GABRG3: variants seen among roughly 807,000 people sequenced by gnomAD.
GABRG3 encodes the protein gamma-aminobutyric acid receptor subunit gamma-3.
Under a neutral mutation model 48.8 loss-of-function variants are expected in GABRG3, and 25 were observed. The ratio of observed to expected loss-of-function variants is 0.51; its 90% CI spans 0.37 to 0.72. The LOEUF (loss-of-function observed/expected upper bound fraction) is 0.72. Among genes scored for constraint, GABRG3 ranks in the 30% least tolerant of loss-of-function variants. The pLI, the probability that GABRG3 is intolerant of heterozygous loss-of-function variation, is 0.00. For synonymous variants in GABRG3, 227 were observed against 217.6 expected, an observed-to-expected ratio of 1.04 and a Z score of -0.38; for missense variants, 394 against 577.9, an observed-to-expected ratio of 0.68 and a Z score of 3.26.
chr15:27,323,636 C>T (rs984784378), intron 3 of GABRG3, among the ~76,000 whole-genome samples: 4 of 152,216 alleles, frequency 2.6e-5, no homozygotes, highest in East Asian at 3.9e-4. Context: ...CAGCTGTCAG[C>T]TCACAGTCTG....
chr15:27,055,693 T>A (rs1896533768), intron 3 of GABRG3, among the ~76,000 whole-genome samples: 1 of 152,212 alleles, frequency 6.6e-6, no homozygotes, highest in Non-Finnish European at 1.5e-5. Flanking sequence ...TATTTCATTA[T>A]CTGTATGGAA....
At chr15:27,497,116 C>A (rs967306164) in intron 6 of GABRG3, among the ~76,000 whole-genome samples, 3 of 152,212 alleles carry the variant, frequency 2.0e-5, no homozygotes, top group African/African-American at 7.2e-5. Context: ...CAGTATCCCC[C>A]TCATGGCTAG....
intron 7 of GABRG3, among the ~76,000 whole-genome samples, chr15:27,521,988 A>G (rs778080160): frequency 1.6e-4 from 24 of 152,166 alleles, no homozygotes; most frequent in African/African-American, 4.6e-4. Context: ...AGAAATTCCA[A>G]TGTTTGGTGA....
intron 3 of GABRG3, among the ~76,000 whole-genome samples, chr15:27,103,485 A>G (rs1897395676): frequency 6.6e-6 from 1 of 152,172 alleles, no homozygotes; most frequent in African/African-American, 2.4e-5. Context: ...ACCAGACCGT[A>G]CAGGGTTGCC....
Position 27,388,343 on chromosome 15 carries a change from G to A in GABRG3, c.574+59455G>A, listed in dbSNP as rs71397223. On this transcript the variant is annotated intron_variant, in intron 5 of 9. Transcript: ENST00000615808. ...GAAAAGAAGGAAGGAAGGAAAGGTG[G>A]GAGGGAGGGTAAGGAAGGAAGGAAG... Among the ~76,000 whole-genome samples, 216 of 42,084 alleles carry A rather than the reference G, an allele frequency of 5.1e-3. 38 individuals carry two copies. The highest frequency in any genetic ancestry group is 7.1e-3 in the African/African-American group (77 of 10,918). The allele number at this position is 42,084 out of a possible 152,430, so 27.6% of individuals were successfully genotyped here. A position where few individuals can be genotyped will look rare whatever the true frequency, so the allele number is the denominator to read the frequency against.
At chr15:27,214,122 A>G (rs1304134958) in intron 3 of GABRG3, among the ~76,000 whole-genome samples, 1 of 152,164 alleles carries the variant, frequency 6.6e-6, no homozygotes, top group Non-Finnish European at 1.5e-5. Context: ...CTCGGAGCCA[A>G]CTTACCTCTG....
chr15:27,323,961 A>G (rs1009845058), intron 3 of GABRG3, among the ~76,000 whole-genome samples: 46 of 151,426 alleles, frequency 3.0e-4, no homozygotes, highest in African/African-American at 1.1e-3. Flanking sequence ...GGCACATACC[A>G]CTCTGCTTGT....
At chr15:27,134,596 G>A (rs1318270512) in intron 3 of GABRG3, among the ~76,000 whole-genome samples, 2 of 152,024 alleles carry the variant, frequency 1.3e-5, no homozygotes, top group African/African-American at 2.4e-5. Flanking sequence ...ACCCATGCCC[G>A]GCTTCTCCTT....
At chr15:27,193,130 G>A (rs961223194) in intron 3 of GABRG3, among the ~76,000 whole-genome samples, 9 of 152,168 alleles carry the variant, frequency 5.9e-5, no homozygotes, top group African/African-American at 2.2e-4. Flanking sequence ...GCCCCTACTG[G>A]GGGGTGCCTC....
intron 3 of GABRG3, among the ~76,000 whole-genome samples, chr15:27,182,160 C>T (rs1479684836): frequency 6.6e-6 from 1 of 152,116 alleles, no homozygotes; most frequent in Non-Finnish European, 1.5e-5. Flanking sequence ...CACATCAGCT[C>T]TGGGGATAGT....
chr15:27,099,375 G>A (rs1004183430), intron 3 of GABRG3, among the ~76,000 whole-genome samples: 7 of 152,094 alleles, frequency 4.6e-5, no homozygotes, highest in South Asian at 2.1e-4. Flanking sequence ...GGTGTCTTCC[G>A]AGGCCTCTCT....
At chr15:27,325,915 C>G (rs1595678829) in intron 3 of GABRG3, among the ~76,000 whole-genome samples, 1 of 152,272 alleles carries the variant, frequency 6.6e-6, no homozygotes, top group East Asian at 1.9e-4. Flanking sequence ...ATATCTAATA[C>G]ATAACAAAAA....
At chr15:27,385,411 G>T (rs1895892000) in intron 5 of GABRG3, among the ~76,000 whole-genome samples, 1 of 151,474 alleles carries the variant, frequency 6.6e-6, no homozygotes, top group South Asian at 2.1e-4. Flanking sequence ...ATGGAGGTTT[G>T]AATCAAATTT....
intron 5 of GABRG3, among the ~76,000 whole-genome samples, chr15:27,475,381 G>C (rs1276470573): frequency 3.3e-5 from 5 of 152,158 alleles, no homozygotes; most frequent in Non-Finnish European, 7.3e-5. Context: ...AAAGCCCTTG[G>C]AATAGTTCGT....
At chr15:27,290,228 G>A (rs183448369) in intron 3 of GABRG3, among the ~76,000 whole-genome samples, 138 of 151,968 alleles carry the variant, frequency 9.1e-4, no homozygotes, top group African/African-American at 3.3e-3. Context: ...AAATATTGAC[G>A]AACAGATATA....
At chr15:27,382,025 T>C (rs1595716478) in intron 5 of GABRG3, among the ~76,000 whole-genome samples, 1 of 152,198 alleles carries the variant, frequency 6.6e-6, no homozygotes, top group Non-Finnish European at 1.5e-5. Context: ...TAAATGTAGT[T>C]ATTATTATTG....
chr15:27,216,733 C>CTTTTTTT (rs200517386), intron 3 of GABRG3, among the ~76,000 whole-genome samples: 3 of 103,886 alleles, frequency 2.9e-5, no homozygotes, highest in East Asian at 3.2e-4. Context: ...CAATTCATTT[C>CTTTTTTT]TTTTTTTTTT....
intron 5 of GABRG3, chr15:27,364,401 T>TA (rs1284473829): frequency 4.6e-5 from 7 of 152,568 alleles, no homozygotes; most frequent in Admixed American, 4.6e-4. Flanking sequence ...TGGGCACTCT[T>TA]ATGTTGCCTG....
intron 5 of GABRG3, among the ~76,000 whole-genome samples, chr15:27,378,379 C>T (rs1361816490): frequency 6.6e-6 from 1 of 152,176 alleles, no homozygotes; most frequent in African/African-American, 2.4e-5. Context: ...TGGGCCTTGA[C>T]AACCTTCTCT....
Sources: allele counts gnomAD v4.1 joint callset (sites outside exome capture counted in the v4.1 genomes callset), GRCh38; gene constraint gnomAD v4.1.1; transcripts MANE v1.5; gene names NCBI Gene and HGNC (gene_info 2026-07-23, HGNC 2026-07-21).